The following RREB1 variants were observed in gnomAD, a reference collection of about 807,000 sequenced individuals.
The protein encoded by RREB1 is ras responsive element binding protein 1.
Under a neutral mutation model 117.8 loss-of-function variants are expected in RREB1, and 27 were observed. The observed-to-expected ratio is 0.23, with a 90% CI of 0.17 to 0.32. The LOEUF (loss-of-function observed/expected upper bound fraction) is 0.32, where lower values mean the gene tolerates loss of function less well. Ranked by LOEUF, RREB1 falls within the 10% of genes least tolerant of loss-of-function variation. The pLI is 1.00. For missense variants in RREB1, 2,577 were observed against 2,378.2 expected, an observed-to-expected ratio of 1.08 and a Z score of -1.74; for synonymous variants, 1,298 against 1,026.7, an observed-to-expected ratio of 1.26 and a Z score of -5.05.
Position 7,245,215 on chromosome 6 carries a change from A to G in RREB1, c.3974-1209A>G, listed in dbSNP as rs551935215. Among the ~76,000 whole-genome samples, 529 of 152,038 alleles carry G rather than the reference A, an allele frequency of 3.5e-3. 4 individuals carry two copies. Among genetic ancestry groups the G allele is most frequent in the Middle Eastern group, 0.034 (10 of 292 alleles). ...GTTCGAGACCAGCCTGGCGAACATG[A>G]TGAAACCCCATCTCTACTAAAAATA... On this transcript the variant is annotated intron_variant, in intron 11 of 12. Transcript: ENST00000379938.
intron 1 of RREB1, among the ~76,000 whole-genome samples, chr6:7,119,837 G>C (rs987749270): frequency 2.6e-5 from 4 of 152,336 alleles, no homozygotes; most frequent in Non-Finnish European, 5.9e-5. Context: ...ATGTCAGTTA[G>C]AACGCTAGTT....
chr6:7,221,599 T>C (rs1285938627), intron 8 of RREB1, among the ~76,000 whole-genome samples: 1 of 152,234 alleles, frequency 6.6e-6, no homozygotes, highest in Non-Finnish European at 1.5e-5. Flanking sequence ...AGTGCCTTAG[T>C]TGAAATTCCA....
intron 1 of RREB1, among the ~76,000 whole-genome samples, chr6:7,148,904 A>T (rs1762991894): frequency 6.6e-6 from 1 of 152,150 alleles, no homozygotes; most frequent in South Asian, 2.1e-4. Context: ...TGATGTCCAA[A>T]TACCATACCA....
At chr6:7,113,369 G>A (rs1006095732) in intron 1 of RREB1, among the ~76,000 whole-genome samples, 1 of 152,194 alleles carries the variant, frequency 6.6e-6, no homozygotes, top group Admixed American at 6.5e-5. Context: ...GAGACTATGG[G>A]ATAGAATTGT....
At chr6:7,179,825 A>G (rs746560280) in intron 2 of RREB1, among the ~76,000 whole-genome samples, 1 of 151,838 alleles carries the variant, frequency 6.6e-6, no homozygotes, top group Admixed American at 6.6e-5. Flanking sequence ...ATTTTAAAAA[A>G]TCTTTTGTAG....
intron 1 of RREB1, among the ~76,000 whole-genome samples, chr6:7,172,723 G>A (rs900382032): frequency 7.9e-5 from 12 of 151,262 alleles, no homozygotes; most frequent in African/African-American, 2.9e-4. Context: ...TTGGGTTGCC[G>A]CCCTATCCAA....
Position 7,248,958 on chromosome 6 carries a change from G to A in RREB1, c.5219G>A (p.Gly1740Glu), listed in dbSNP as rs1291585919. ...ATADGASQLV[G>E]ME ...GCTGATGGCGCCTCCCAGCTCGTGG[G>A]GATGGAGTGACAGCCTCAGTCCCCC... Residue 1740 changes from glycine to glutamate, a missense_variant, in exon 13 of 13, where the codon GGG becomes GAG. Physicochemically the swap from Gly to Glu is moderately conservative, Grantham distance 98. Transcript: ENST00000379938. The A allele has an allele frequency of 5.4e-6, 8 of 1,481,504 alleles. No homozygotes were observed. Among genetic ancestry groups the A allele is most frequent in the Non-Finnish European group, 6.3e-6 (7 of 1,119,602 alleles). 91.8% of individuals were successfully genotyped at this position (1,481,504 alleles called of 1,614,324 possible).
At chr6:7,188,958 G>A (rs1415088585) in intron 5 of RREB1, among the ~76,000 whole-genome samples, 1 of 152,158 alleles carries the variant, frequency 6.6e-6, no homozygotes, top group East Asian at 1.9e-4. Flanking sequence ...ATGTGGGAAT[G>A]GAGGAATATC....
Position 7,187,540 on chromosome 6 carries a change from CTTTTATTTTATTTTA to C in RREB1, c.261+53_261+67del, listed in dbSNP as rs3028658. On this transcript the variant is annotated intron_variant, in intron 5 of 12. Transcript: ENST00000379938. ...ATTCGCCAGGTAGATTCCCACTGTTCTTTTATTTTATTTTATTTTATTTTATTTTATTTTATTTTA... is the reference window on the plus strand; with the variant it reads ...ATTCGCCAGGTAGATTCCCACTGTTCTTTTATTTTATTTTATTTTATTTTA... 551 of 847,850 alleles carry C rather than the reference CTTTTATTTTATTTTA, an allele frequency of 6.5e-4. 12 individuals carry two copies. The highest frequency in any genetic ancestry group is 3.8e-3 in the African/African-American group (207 of 54,144). 52.5% of individuals were successfully genotyped at this position (847,850 alleles called of 1,614,324 possible).
chr6:7,208,725 G>A (rs1766414180), intron 6 of RREB1, among the ~76,000 whole-genome samples: 2 of 152,216 alleles, frequency 1.3e-5, no homozygotes, highest in Admixed American at 6.5e-5. Context: ...CTGGAGGTGG[G>A]AATGTTCTAT....
intron 1 of RREB1, among the ~76,000 whole-genome samples, chr6:7,151,157 GC>G (rs1363231164): frequency 6.6e-6 from 1 of 152,108 alleles, no homozygotes. Flanking sequence ...TAAAAGCTTT[GC>G]CCCCTTCACG....
chr6:7,146,096 C>A (rs776320821), intron 1 of RREB1, among the ~76,000 whole-genome samples: 4 of 152,034 alleles, frequency 2.6e-5, no homozygotes, highest in Non-Finnish European at 4.4e-5. Flanking sequence ...ATACTCCCCC[C>A]ACCAACACAC....
At chr6:7,245,354 C>T (rs954851865) in intron 11 of RREB1, among the ~76,000 whole-genome samples, 6 of 152,234 alleles carry the variant, frequency 3.9e-5, no homozygotes, top group Admixed American at 2.0e-4. Flanking sequence ...GAGATCACAC[C>T]ATTGCACTCC....
intron 6 of RREB1, among the ~76,000 whole-genome samples, chr6:7,203,887 A>T (rs1392162141): frequency 2.0e-5 from 3 of 152,230 alleles, no homozygotes; most frequent in Non-Finnish European, 4.4e-5. Flanking sequence ...AAACGTCAGT[A>T]TCAGCCGCAA....
intron 5 of RREB1, among the ~76,000 whole-genome samples, chr6:7,188,155 G>A (rs1348162706): frequency 2.0e-5 from 3 of 152,110 alleles, no homozygotes; most frequent in Admixed American, 6.5e-5. Flanking sequence ...GTGACAGACC[G>A]GGACTCTGTC....
intron 1 of RREB1, among the ~76,000 whole-genome samples, chr6:7,169,654 G>A: frequency 6.6e-6 from 1 of 152,232 alleles, no homozygotes; most frequent in South Asian, 2.1e-4. Flanking sequence ...CTGGCAGGAA[G>A]ACATGCTCCC....
At position 7,195,837 on chromosome 6, in the gene RREB1, C is replaced by T. The variant is rs149511250; in HGVS notation, c.425+6515C>T. Among the ~76,000 whole-genome samples, 27 of 152,346 alleles carry T rather than the reference C, an allele frequency of 1.8e-4. No homozygotes were observed. In the South Asian group the frequency reaches 2.9e-3, roughly 16 times the overall value. ...GTTTGTAACCCGTTTGAGGCCCTCC[C>T]TCAACTGTGCCAGTTTCATCTGACA... is the stretch of plus-strand genomic sequence containing the variant. On this transcript the variant is annotated intron_variant, in intron 6 of 12. Transcript: ENST00000379938.
At chr6:7,220,119 C>G (rs971712528) in intron 8 of RREB1, among the ~76,000 whole-genome samples, 2 of 152,168 alleles carry the variant, frequency 1.3e-5, no homozygotes, top group African/African-American at 4.8e-5. Context: ...AGGCAGGACC[C>G]ACAGTTCAGC....
chr6:7,157,160 G>A (rs113629964), intron 1 of RREB1, among the ~76,000 whole-genome samples: 3 of 152,232 alleles, frequency 2.0e-5, no homozygotes, highest in Admixed American at 6.5e-5. Flanking sequence ...GGCTGGGCGC[G>A]GTGGCTCACG....
Sources: allele counts gnomAD v4.1 joint callset (sites outside exome capture counted in the v4.1 genomes callset), GRCh38; gene constraint gnomAD v4.1.1; transcripts MANE v1.5; gene names NCBI Gene and HGNC (gene_info 2026-07-23, HGNC 2026-07-21).